KIFC3: variants seen among roughly 807,000 people sequenced by gnomAD.
KIFC3 encodes kinesin-like protein KIFC3.
In KIFC3, 60 loss-of-function variants were observed where a neutral mutation model predicts 101.8. The observed-to-expected ratio is 0.59, with a 90% CI of 0.48 to 0.73. The LOEUF is 0.73. KIFC3 is among the 30% of genes least tolerant of loss of function. KIFC3 has a pLI of 0.00. For missense variants in KIFC3, 966 were observed against 1,137.1 expected, an observed-to-expected ratio of 0.85 and a Z score of 2.16; for synonymous variants, 476 against 482.7, an observed-to-expected ratio of 0.99 and a Z score of 0.18.
At position 57,785,465 on chromosome 16, in the gene KIFC3, T is replaced by C. The variant is rs561569507; in HGVS notation, c.315+9534A>G. On this transcript the variant is annotated intron_variant, in intron 3 of 19. Coordinates refer to ENST00000445690, the MANE Select transcript of KIFC3 (RefSeq NM_001130100.2). Reference sequence around the variant, plus strand: ...GCCCATCCCAGCCTCCCCAGGTACCTGGTTCTGCAGCTGGGTGGACGTGGC... The same window carrying C: ...GCCCATCCCAGCCTCCCCAGGTACCCGGTTCTGCAGCTGGGTGGACGTGGC... 1,103 of 1,284,814 alleles carry C rather than the reference T, an allele frequency of 8.6e-4. 1 individual carries two copies. Among genetic ancestry groups the C allele is most frequent in the Non-Finnish European group, 1.1e-3 (1,055 of 985,456 alleles). The allele number at this position is 1,284,814 out of a possible 1,614,324, so 79.6% of individuals were successfully genotyped here. A position where few individuals can be genotyped will look rare whatever the true frequency, so the allele number is the denominator to read the frequency against.
Position 57,760,275 on chromosome 16 carries a change from C to T in KIFC3, c.2367+7G>A. On this transcript the variant is annotated splice_region_variant and intron_variant, in intron 17 of 19. Transcript: ENST00000445690. Reference sequence around the variant, plus strand: ...CACCTGAGCCAGGCCTGTGACAGTCCCCGTACCTCTAGATGCTCCTGGCTT... The same window carrying T: ...CACCTGAGCCAGGCCTGTGACAGTCTCCGTACCTCTAGATGCTCCTGGCTT... The T allele has an allele frequency of 2.5e-6, 4 of 1,609,998 alleles. No individual in the cohort carries two copies. Among genetic ancestry groups the T allele is most frequent in the South Asian group, 1.1e-5 (1 of 90,994 alleles).
At chr16:57,803,271 G>C (rs2054847929), upstream of KIFC3, 5 of 697,774 alleles carry the variant, frequency 7.2e-6, no homozygotes, top group Non-Finnish European at 1.3e-5. Flanking sequence ...GGAGGCCAGG[G>C]GCCTGCCAGC....
Position 57,802,359 on chromosome 16 carries a change from C to T in KIFC3, c.-40+11G>A. On this transcript the variant is annotated intron_variant, in intron 1 of 19. Coordinates refer to ENST00000445690, the MANE Select transcript of KIFC3 (RefSeq NM_001130100.2). This position sits in a 1 kb window ranked among gnomAD's most constrained non-coding sequence, Gnocchi z 5.0. ...CCGCTCGCACCCAGCCCGCCCGGGCCCCCCACTCACCGGCCTGGCGGAGGC... is the reference window on the plus strand; with the variant it reads ...CCGCTCGCACCCAGCCCGCCCGGGCTCCCCACTCACCGGCCTGGCGGAGGC... 2.0e-6 allele frequency: 2 copies of T among 981,700 alleles called. No homozygotes were observed. The highest frequency in any genetic ancestry group is 2.4e-6 in the Non-Finnish European group (2 of 827,364). The allele number at this position is 981,700 out of a possible 1,614,324, so 60.8% of individuals were successfully genotyped here. A position where few individuals can be genotyped will look rare whatever the true frequency, so the allele number is the denominator to read the frequency against.
At chr16:57,818,990 C>T (rs1430837164) in intron 1 of KIFC3, among the ~76,000 whole-genome samples, 6 of 152,208 alleles carry the variant, frequency 3.9e-5, no homozygotes, top group African/African-American at 1.4e-4. Context: ...CAGCTCACAG[C>T]TGAGCCACGG....
rs1317867060 is a variant in KIFC3 at position 57,760,526 on chromosome 16, G to T, written c.2233-110C>A. 3.9e-5 allele frequency: 52 copies of T among 1,331,622 alleles called. 1 individual carries two copies. Among genetic ancestry groups the T allele is most frequent in the Non-Finnish European group, 5.3e-5 (51 of 954,828 alleles). 82.5% of individuals were successfully genotyped at this position (1,331,622 alleles called of 1,614,324 possible). A position where few individuals can be genotyped will look rare whatever the true frequency, so the allele number is the denominator to read the frequency against. The stretch of plus-strand genomic sequence containing the variant: ...CAGAAGGCTTCCTGGAGAGGCCTGA[G>T]GGATGGGGTGGGAGGGCAGGCAACA... On this transcript the variant is annotated intron_variant, in intron 16 of 19. Transcript: ENST00000445690.
chr16:57,820,423 C>T (rs1192134302), intron 1 of KIFC3, among the ~76,000 whole-genome samples: 2 of 152,082 alleles, frequency 1.3e-5, no homozygotes, highest in African/African-American at 2.4e-5. Context: ...TATAGGTGCA[C>T]GCCATAACAC....
At position 57,798,069 on chromosome 16, in the gene KIFC3, C is replaced by T; in HGVS notation, c.172+3G>A. On this transcript the variant is annotated splice_donor_region_variant and intron_variant, in intron 2 of 19. Coordinates refer to ENST00000445690, the MANE Select transcript of KIFC3 (RefSeq NM_001130100.2). ...AAGAGGCATTTTAAAAATGCGGACT[C>T]ACCAGTTCTCAACCTCCCCGGGCCG... 6.3e-7 allele frequency: 1 copy of T among 1,592,212 alleles called. No individual in the cohort carries two copies. The highest frequency in any genetic ancestry group is 8.5e-7 in the Non-Finnish European group (1 of 1,169,644).
intron 1 of KIFC3, chr16:57,846,383 G>A (rs568633650): frequency 6.6e-6 from 1 of 152,428 alleles, no homozygotes; most frequent in Admixed American, 6.5e-5. Context: ...CCTGGACACA[G>A]GGCTTTGCAG....
rs141109331 is a variant in KIFC3, at chr16:57,837,554, G to GAAGA, written c.108+25171_108+25174dup. ...AAGAAAGAAAGAGAAAGGAAGGAAG[G>GAAGA]AAGAAAGAAAGAAAGAAAGAAAGAA... On this transcript the variant is annotated intron_variant, in intron 1 of 2. Coordinates refer to the KIFC3 transcript ENST00000563028. 7.8e-3 allele frequency among the ~76,000 whole-genome samples: 783 copies of GAAGA among 100,016 alleles called. 22 individuals are homozygous for GAAGA. The highest frequency in any genetic ancestry group is 0.024 in the African/African-American group (700 of 29,574). 65.6% of individuals were successfully genotyped at this position (100,016 alleles called of 152,430 possible).
rs1555596665 is a variant in KIFC3, at chr16:57,761,095, A to T, written c.1949T>A (p.Leu650Gln). 3 of 1,613,844 alleles carry T rather than the reference A, an allele frequency of 1.9e-6. No individual in the cohort carries two copies. The highest frequency in any genetic ancestry group is 2.5e-6 in the Non-Finnish European group (3 of 1,179,914). ...LNEHSSRSHA[L>Q]LIVTVRGVDC... is the part of the protein sequence containing the mutation. Reference sequence around the variant, plus strand: ...CACGCCTCGCACCGTCACGATGAGCAGCGCGTGCGAGCGGGAGCTGTGCTC... The same window carrying T: ...CACGCCTCGCACCGTCACGATGAGCTGCGCGTGCGAGCGGGAGCTGTGCTC... The change falls in exon 15 of 20, where the codon CTG becomes CAG. Residue 650 changes from leucine (L) to glutamine (Q), a missense_variant. Leu to Gln is a moderately radical substitution (Grantham distance 113, BLOSUM62 -2). Transcript: ENST00000445690.
intron 1 of KIFC3, among the ~76,000 whole-genome samples, chr16:57,811,695 C>A (rs1483376308): frequency 6.6e-6 from 1 of 152,018 alleles, no homozygotes; most frequent in Non-Finnish European, 1.5e-5. Flanking sequence ...GCAGGTGGAT[C>A]ATTTGAGGTC....
At chr16:57,776,435 T>G (rs1490222841) in intron 3 of KIFC3, 2 of 985,228 alleles carry the variant, frequency 2.0e-6, no homozygotes, top group Admixed American at 1.2e-4. Context: ...CAGCTGACAA[T>G]TCGAATTCTA....
chr16:57,771,767 C>G, intron 4 of KIFC3, 81 bp from the exon 5 acceptor site: 1 of 1,497,366 alleles, frequency 6.7e-7, no homozygotes, highest in Non-Finnish European at 9.0e-7. Context: ...GGAGATGGCA[C>G]AAGGGCAGGG....
intron 1 of KIFC3, among the ~76,000 whole-genome samples, chr16:57,823,319 G>A (rs959566962): frequency 2.6e-5 from 4 of 152,084 alleles, no homozygotes; most frequent in Admixed American, 2.6e-4. Context: ...CTTCCAGATG[G>A]AACCAACGTA....
intron 3 of KIFC3, among the ~76,000 whole-genome samples, chr16:57,781,224 A>C (rs2052698317): frequency 3.9e-5 from 6 of 152,118 alleles, no homozygotes; most frequent in Admixed American, 3.9e-4. Flanking sequence ...CTTAGGTGGG[A>C]GGATGGCTTG....
chr16:57,829,818 G>A (rs2055536867), intron 1 of KIFC3, among the ~76,000 whole-genome samples: 3 of 152,164 alleles, frequency 2.0e-5, no homozygotes, highest in Non-Finnish European at 4.4e-5. Flanking sequence ...TCAGCCACAG[G>A]CATTTGCCCA....
intron 2 of KIFC3, among the ~76,000 whole-genome samples, chr16:57,796,863 A>G (rs2054364332): frequency 6.6e-6 from 1 of 152,210 alleles, no homozygotes; most frequent in South Asian, 2.1e-4. Context: ...TTTCTAAGGG[A>G]AAATGCTTTT....
intron 1 of KIFC3, among the ~76,000 whole-genome samples, chr16:57,819,224 C>G (rs2055299071): frequency 6.6e-6 from 1 of 152,226 alleles, no homozygotes; most frequent in Non-Finnish European, 1.5e-5. Context: ...ACTCCCAGTA[C>G]TTTGGGAGGC....
At chr16:57,775,230 T>A (rs2051887556) in intron 3 of KIFC3, 56 of 1,315,896 alleles carry the variant, frequency 4.3e-5, no homozygotes, top group Non-Finnish European at 5.2e-5. Context: ...GCATGGGGGA[T>A]GGTGAGGGAG....
Sources: gnomAD v4.1 joint callset for allele counts (sites outside exome capture counted in the v4.1 genomes callset) on GRCh38, gnomAD v4.1.1 for gene constraint, Gnocchi (gnomAD v3.1) non-coding constraint, MANE v1.5 for transcripts, NCBI Gene and HGNC (gene_info 2026-07-23, HGNC 2026-07-21) for gene names.